Variants in SEC63 observed in about 807,000 individuals in gnomAD.
The protein encoded by SEC63 is translocation protein SEC63 homolog.
SEC63 carries 56 observed loss-of-function variants against 116.2 expected under a neutral mutation model. The ratio of observed to expected loss-of-function variants is 0.48; its 90% CI spans 0.39 to 0.60. The LOEUF (loss-of-function observed/expected upper bound fraction) is 0.60, where lower values mean the gene tolerates loss of function less well. Among genes scored for constraint, SEC63 ranks in the 20% least tolerant of loss-of-function variants. The pLI is 0.00. For missense variants in SEC63, 668 were observed against 900.0 expected (o/e 0.74, Z 3.30); for synonymous variants, 273 against 294.6 (o/e 0.93, Z 0.75).
intron 1 of SEC63, among the ~76,000 whole-genome samples, chr6:107,929,835 C>T (rs898187128): frequency 6.6e-6 from 1 of 152,210 alleles, no homozygotes; most frequent in African/African-American, 2.4e-5. Flanking sequence ...TTCTCTCCCT[C>T]TTTCCCCTCT....
chr6:107,908,515 T>C (rs909791831), intron 8 of SEC63, among the ~76,000 whole-genome samples: 5 of 152,146 alleles, frequency 3.3e-5, no homozygotes, highest in African/African-American at 1.2e-4. Context: ...TGTGTATCCT[T>C]GAGAGTGTTA....
At chr6:107,953,964 T>C (rs1770646645) in intron 1 of SEC63, among the ~76,000 whole-genome samples, 1 of 151,778 alleles carries the variant, frequency 6.6e-6, no homozygotes, top group African/African-American at 2.4e-5. Flanking sequence ...GTCTGGGAGG[T>C]GTACCCAACA....
chr6:107,933,927 T>C (rs901205069), intron 1 of SEC63, among the ~76,000 whole-genome samples: 7 of 152,240 alleles, frequency 4.6e-5, no homozygotes, highest in Admixed American at 3.9e-4. Context: ...TTCGCTGTGT[T>C]GGCCGGGCTG....
intron 3 of SEC63, among the ~76,000 whole-genome samples, 163 bp from the exon 4 acceptor site, chr6:107,922,072 C>T (rs1180119049): frequency 3.3e-5 from 1 of 30,188 alleles, no homozygotes; most frequent in Non-Finnish European, 6.1e-5. Context: ...CCATAAATTT[C>T]ATCCCATATA....
At chr6:107,920,786 C>G (rs1290932155) in intron 4 of SEC63, among the ~76,000 whole-genome samples, 1 of 152,194 alleles carries the variant, frequency 6.6e-6, no homozygotes, top group African/African-American at 2.4e-5. Flanking sequence ...CGCAAGAGAT[C>G]ACTGCATCTA....
chr6:107,886,007 T>A (rs6935080), intron 16 of SEC63, among the ~76,000 whole-genome samples: 2 of 151,934 alleles, frequency 1.3e-5, no homozygotes, highest in Non-Finnish European at 2.9e-5. Context: ...ATCCCTCCCC[T>A]AGCCCACCAC....
In SEC63 at chr6:107,957,928, T is replaced by A; in HGVS notation, c.82A>T (p.Ile28Phe). The change falls in exon 1 of 21, where the codon ATC becomes TTC. Residue 28 changes from isoleucine (I) to phenylalanine (F), a missense_variant. Physicochemically the swap from Ile to Phe is conservative, Grantham distance 21. This residue lies in a region of SEC63 where 142 missense variants were observed against 169.5 expected (regional missense o/e 0.84). Transcript: ENST00000369002. ...GGCCAGAGGTAGTATGTCGCCGGGA[T>A]CACGATGAGCCCCACGAAGGAGGTG... ...FLTSFVGLIV[I>F]PATYYLWPRD... 1 of 1,613,152 alleles carries A rather than the reference T, an allele frequency of 6.2e-7. No individual in the cohort carries two copies. Among genetic ancestry groups the A allele is most frequent in the East Asian group, 2.2e-5 (1 of 44,816 alleles).
intron 1 of SEC63, among the ~76,000 whole-genome samples, chr6:107,934,209 G>A (rs1787878450): frequency 6.6e-6 from 1 of 151,064 alleles, no homozygotes; most frequent in African/African-American, 2.4e-5. Context: ...GAGCCCCTCT[G>A]CCTGGCTGCC....
chr6:107,945,670 G>A (rs769631237), intron 1 of SEC63, among the ~76,000 whole-genome samples: 1 of 152,010 alleles, frequency 6.6e-6, no homozygotes, highest in Non-Finnish European at 1.5e-5. Flanking sequence ...GTGAAATAGT[G>A]TAACAACATT....
intron 14 of SEC63, 116 bp downstream of exon 14, chr6:107,897,533 A>T (rs1786885664): frequency 6.5e-6 from 5 of 765,470 alleles, no homozygotes; most frequent in Non-Finnish European, 1.1e-5. Context: ...AGTTAACAGA[A>T]TTTGCAAAAT....
intron 1 of SEC63, among the ~76,000 whole-genome samples, chr6:107,944,584 G>A (rs1415815289): frequency 6.6e-6 from 1 of 152,136 alleles, no homozygotes; most frequent in East Asian, 1.9e-4. Context: ...GTAATCCCAA[G>A]TACTCAGGAG....
At chr6:107,933,086 G>A (rs1194903153) in intron 1 of SEC63, among the ~76,000 whole-genome samples, 1 of 152,092 alleles carries the variant, frequency 6.6e-6, no homozygotes, top group Non-Finnish European at 1.5e-5. Flanking sequence ...AGGCAGAAGG[G>A]TCAAAGACAG....
intron 1 of SEC63, among the ~76,000 whole-genome samples, chr6:107,945,632 C>T (rs946075636): frequency 6.6e-6 from 1 of 151,856 alleles, no homozygotes; most frequent in Non-Finnish European, 1.5e-5. Flanking sequence ...GAATGAACAG[C>T]ATCGCCTTTC....
intron 1 of SEC63, among the ~76,000 whole-genome samples, chr6:107,952,668 G>A (rs1005218943): frequency 6.6e-6 from 1 of 152,138 alleles, no homozygotes; most frequent in African/African-American, 2.4e-5. Context: ...CGAGGTGGGA[G>A]AACTGCTTGA....
intron 16 of SEC63, among the ~76,000 whole-genome samples, chr6:107,884,048 G>C (rs910128762): frequency 2.6e-5 from 4 of 151,946 alleles, no homozygotes; most frequent in East Asian, 1.9e-4. Context: ...TCAGGAGTTT[G>C]AGACCAGCCT....
At chr6:107,955,915 T>TA in intron 1 of SEC63, 1 of 284,026 alleles carries the variant, frequency 3.5e-6, no homozygotes, top group South Asian at 3.1e-5. Flanking sequence ...AATAAATAAA[T>TA]AGTATGATTC....
chr6:107,880,603 C>T (rs1786392516), intron 18 of SEC63, among the ~76,000 whole-genome samples: 1 of 152,202 alleles, frequency 6.6e-6, no homozygotes, highest in African/African-American at 2.4e-5. Flanking sequence ...TGATCAAGCT[C>T]TTATGGAACT....
At chr6:107,904,452 A>C (rs760728468) in intron 11 of SEC63, among the ~76,000 whole-genome samples, 177 bp downstream of exon 11, 114 of 152,014 alleles carry the variant, frequency 7.5e-4, no homozygotes, top group Admixed American at 6.8e-3. Flanking sequence ...GCTGTGATAT[A>C]GACTTTAAAT....
chr6:107,880,947 C>G (rs1786400690), intron 18 of SEC63: 1 of 515,182 alleles, frequency 1.9e-6, no homozygotes, highest in South Asian at 2.3e-5. Flanking sequence ...ACTTAAGAAG[C>G]TAACAATCTC....
Sources: allele counts gnomAD v4.1 joint callset (sites outside exome capture counted in the v4.1 genomes callset), GRCh38; gene constraint gnomAD v4.1.1; regional missense constraint gnomAD v4.1.1; transcripts MANE v1.5; gene names NCBI Gene and HGNC (gene_info 2026-07-23, HGNC 2026-07-21).